Variants in ARHGEF4 observed in about 807,000 individuals in gnomAD.
ARHGEF4 encodes the protein APC-stimulated guanine nucleotide exchange factor 1.
Under a neutral mutation model 162.0 loss-of-function variants are expected in ARHGEF4, and 119 were observed. That is an observed-to-expected ratio of 0.73 (90% confidence interval 0.63 to 0.86). The LOEUF is 0.86. Ranked by LOEUF, ARHGEF4 falls within the 40% of genes least tolerant of loss-of-function variation. ARHGEF4 has a pLI of 0.00. For missense variants in ARHGEF4, 2,488 were observed against 2,456.0 expected, an observed-to-expected ratio of 1.01 and a Z score of -0.28; for synonymous variants, 1,014 against 979.9, an observed-to-expected ratio of 1.03 and a Z score of -0.65.
At chr2:130,919,111 C>T (rs1420309314) in intron 2 of ARHGEF4, among the ~76,000 whole-genome samples, 3 of 152,156 alleles carry the variant, frequency 2.0e-5, no homozygotes, top group African/African-American at 2.4e-5. Context: ...AGCCCTCCAG[C>T]GCCTCATGTT....
Position 131,038,938 on chromosome 2 carries a change from G to C in ARHGEF4, c.4211G>C (p.Gly1404Ala). ...MDDQELGFKA[G>A]DVIEVMDATN... ...GACCAGGAGCTGGGCTTCAAAGCTG[G>C]GGACGTCATCGAAGTGATGGATGCC... Residue 1404 changes from glycine to alanine, a missense_variant, in exon 6 of 14, where the codon GGG (glycine) becomes GCG (alanine). By Grantham distance (60) the Gly-to-Ala change is moderately conservative (BLOSUM62 0). This residue lies in a region of ARHGEF4 where 174 missense variants were observed against 148.3 expected (regional missense o/e 1.17). Coordinates refer to ENST00000409359, the MANE Select transcript of ARHGEF4 (RefSeq NM_001367493.1). 4.3e-6 allele frequency: 7 copies of C among 1,613,736 alleles called. No homozygotes were observed. Among genetic ancestry groups the C allele is most frequent in the Non-Finnish European group, 4.2e-6 (5 of 1,180,002 alleles).
chr2:130,985,375 A>C (rs1427868617), intron 4 of ARHGEF4, among the ~76,000 whole-genome samples: 1 of 152,166 alleles, frequency 6.6e-6, no homozygotes, highest in African/African-American at 2.4e-5. Context: ...GCTGCTCACC[A>C]CACAGAAAAC....
At chr2:130,981,944 A>G (rs1408459028) in intron 4 of ARHGEF4, among the ~76,000 whole-genome samples, 1 of 152,212 alleles carries the variant, frequency 6.6e-6, no homozygotes, top group Non-Finnish European at 1.5e-5. Flanking sequence ...CAATACAAAC[A>G]TGTACACTAA....
chr2:130,966,041 C>T (rs1442772565), intron 4 of ARHGEF4, among the ~76,000 whole-genome samples: 1 of 152,168 alleles, frequency 6.6e-6, no homozygotes. Flanking sequence ...CCCTCACAGA[C>T]ACTGCACCAC....
chr2:131,045,352 C>T lies in ARHGEF4; in HGVS notation c.5402-17C>T. On this transcript the variant is annotated splice_polypyrimidine_tract_variant and intron_variant, in intron 12 of 13. Transcript: ENST00000409359. ...CCACGAAGTGGGGCAGCGCCCTCAC[C>T]TGTGCCCCTTCCTCAGGCTTCTCCA... The T allele has an allele frequency of 6.2e-7, 1 of 1,610,476 alleles. No individual in the cohort carries two copies. The highest frequency in any genetic ancestry group is 8.5e-7 in the Non-Finnish European group (1 of 1,178,150).
intron 1 of ARHGEF4, among the ~76,000 whole-genome samples, chr2:130,881,008 G>A (rs1036643656): frequency 6.6e-6 from 1 of 152,040 alleles, no homozygotes; most frequent in Non-Finnish European, 1.5e-5. Context: ...GGATTCTTGT[G>A]AAGATTAAAT....
intron 4 of ARHGEF4, among the ~76,000 whole-genome samples, chr2:131,018,189 A>G (rs1403959049): frequency 6.6e-6 from 1 of 152,220 alleles, no homozygotes; most frequent in Non-Finnish European, 1.5e-5. Context: ...AGTACAGCCA[A>G]CCAGTTGTTT....
At chr2:130,851,905 AG>A (rs1166847904) in intron 1 of ARHGEF4, among the ~76,000 whole-genome samples, 7 of 152,238 alleles carry the variant, frequency 4.6e-5, no homozygotes, top group African/African-American at 7.2e-5. Context: ...GCCACCTGCC[AG>A]GTTGGTGCTT....
intron 4 of ARHGEF4, 78 bp downstream of exon 4, chr2:130,946,713 C>T (rs997595088): frequency 1.3e-6 from 2 of 1,585,098 alleles, no homozygotes; most frequent in Non-Finnish European, 8.6e-7. Context: ...CTGTTGGCAG[C>T]TGTATCCACT....
intron 4 of ARHGEF4, among the ~76,000 whole-genome samples, chr2:130,971,687 G>C (rs1396292861): frequency 2.1e-5 from 3 of 143,518 alleles, no homozygotes; most frequent in Non-Finnish European, 4.6e-5. Flanking sequence ...GAATCAACTT[G>C]TCAGTATCTA....
At chr2:130,865,736 T>A (rs1682226527) in intron 1 of ARHGEF4, among the ~76,000 whole-genome samples, 1 of 150,084 alleles carries the variant, frequency 6.7e-6, no homozygotes, top group African/African-American at 2.5e-5. Context: ...TTGTTTTGCC[T>A]CCAGTCATCT....
chr2:131,044,420 G>A lies in ARHGEF4; in HGVS notation c.5279G>A (p.Arg1760Gln), dbSNP rs768833708. Residue 1760 changes from arginine to glutamine, a missense_variant, in exon 12 of 14, where the codon CGG becomes CAG. This residue lies in a region of ARHGEF4 where 415 missense variants were observed against 512.4 expected (regional missense o/e 0.81). Coordinates refer to ENST00000409359, the MANE Select transcript of ARHGEF4 (RefSeq NM_001367493.1). Reference sequence around the variant, plus strand: ...CATGTGAGCATCAAGAACGCCTTCCGGCTGCACCGTGGCGCCACAGGGGAC... The same window carrying A: ...CATGTGAGCATCAAGAACGCCTTCCAGCTGCACCGTGGCGCCACAGGGGAC... Reference protein sequence around the residue: ...DLHVSIKNAFRLHRGATGDSH... With the variant: ...DLHVSIKNAFQLHRGATGDSH... 2.4e-5 allele frequency: 38 copies of A among 1,571,082 alleles called. No individual in the cohort carries two copies. The highest frequency in any genetic ancestry group is 3.3e-4 in the Middle Eastern group (2 of 6,032).
chr2:130,894,911 A>G (rs1018865183), intron 1 of ARHGEF4, among the ~76,000 whole-genome samples: 4 of 152,208 alleles, frequency 2.6e-5, no homozygotes, highest in South Asian at 4.1e-4. Context: ...TGGAGATTAC[A>G]TCAGGGATAT....
chr2:130,928,621 GCTTC>G (rs1682449190), intron 2 of ARHGEF4, among the ~76,000 whole-genome samples: 1 of 152,132 alleles, frequency 6.6e-6, no homozygotes. Context: ...ACCTCTGCCT[GCTTC>G]CTTCCCTGTG....
chr2:130,892,050 C>T (rs1679890345), intron 1 of ARHGEF4, among the ~76,000 whole-genome samples: 1 of 152,102 alleles, frequency 6.6e-6, no homozygotes, highest in Non-Finnish European at 1.5e-5. Context: ...TGCTGTGTTT[C>T]CTGGGTGCAA....
chr2:130,966,048 C>T (rs896839284), intron 4 of ARHGEF4, among the ~76,000 whole-genome samples: 2 of 152,146 alleles, frequency 1.3e-5, no homozygotes, highest in Non-Finnish European at 2.9e-5. Context: ...AGACACTGCA[C>T]CACTAAGGGT....
intron 4 of ARHGEF4, among the ~76,000 whole-genome samples, chr2:131,021,872 A>G (rs572357424): frequency 6.6e-6 from 1 of 152,324 alleles, no homozygotes; most frequent in African/African-American, 2.4e-5. Flanking sequence ...GTTTTATCGT[A>G]AAAACTTGGT....
chr2:130,931,727 A>AT (rs900974754), intron 3 of ARHGEF4, among the ~76,000 whole-genome samples: 1 of 152,210 alleles, frequency 6.6e-6, no homozygotes, highest in Admixed American at 6.5e-5. Flanking sequence ...TGACAACATG[A>AT]TTTTTTGCAT....
At chr2:130,973,310 GA>G (rs1466731272) in intron 4 of ARHGEF4, among the ~76,000 whole-genome samples, 1 of 152,190 alleles carries the variant, frequency 6.6e-6, no homozygotes, top group East Asian at 1.9e-4. Context: ...CCAACACAGT[GA>G]AAGGCTGTCT....
Sources: allele counts gnomAD v4.1 joint callset (sites outside exome capture counted in the v4.1 genomes callset), GRCh38; gene constraint gnomAD v4.1.1; regional missense constraint gnomAD v4.1.1; transcripts MANE v1.5; gene names NCBI Gene and HGNC (gene_info 2026-07-23, HGNC 2026-07-21).